Variants in SNRNP70 observed in about 807,000 individuals in gnomAD.
SNRNP70 encodes small nuclear ribonucleoprotein U1 subunit 70, also known as U1 small nuclear ribonucleoprotein 70 kDa.
In SNRNP70, 8 loss-of-function variants were observed where a neutral mutation model predicts 50.5. The observed-to-expected ratio is 0.16, with a 90% CI of 0.09 to 0.29. The LOEUF (loss-of-function observed/expected upper bound fraction) is 0.29, where lower values mean the gene tolerates loss of function less well. Among genes scored for constraint, SNRNP70 ranks in the 10% least tolerant of loss-of-function variants. The pLI is 1.00. For missense variants in SNRNP70, 529 were observed against 663.5 expected, an observed-to-expected ratio of 0.80 and a Z score of 2.23; for synonymous variants, 320 against 252.9, an observed-to-expected ratio of 1.27 and a Z score of -2.52.
At chr19:49,097,357 T>C (rs1430900684) in intron 4 of SNRNP70, among the ~76,000 whole-genome samples, 2 of 152,154 alleles carry the variant, frequency 1.3e-5, no homozygotes, top group African/African-American at 2.4e-5. Context: ...TAAATAAATA[T>C]CAGTGTCCAG....
Position 49,086,368 on chromosome 19 carries a change from C to G in SNRNP70, c.-10-37C>G, listed in dbSNP as rs1341906185. On this transcript the variant is annotated intron_variant, in intron 1 of 9. Coordinates refer to ENST00000598441, the MANE Select transcript of SNRNP70 (RefSeq NM_003089.6). ...TAACAGGGGCTTTCTCTGTGCAGAC[C>G]CGATCTAACCTAAGGCTGTCCTGCT... The G allele has an allele frequency of 4.4e-6, 7 of 1,588,808 alleles. No individual in the cohort carries two copies. The Admixed American group carries it at 1.1e-4, about 24-fold the overall frequency.
At chr19:49,093,890 G>A (rs886943114) in intron 4 of SNRNP70, among the ~76,000 whole-genome samples, 1 of 146,498 alleles carries the variant, frequency 6.8e-6, no homozygotes, top group African/African-American at 2.5e-5. Flanking sequence ...AGGCATTGTA[G>A]TGGGCTCCTG....
intron 4 of SNRNP70, among the ~76,000 whole-genome samples, chr19:49,091,624 C>T (rs1375186301): frequency 1.3e-5 from 2 of 151,630 alleles, no homozygotes; most frequent in Non-Finnish European, 2.9e-5. Flanking sequence ...GAACATGACT[C>T]TAGTGAGAAG....
intron 7 of SNRNP70, chr19:49,102,326 T>C (rs1023811091): frequency 2.4e-6 from 1 of 413,102 alleles, no homozygotes; most frequent in Non-Finnish European, 4.6e-6. Flanking sequence ...CTTGTTTGGG[T>C]GCCCTTTGTC....
chr19:49,097,457 C>T (rs1303496304), intron 4 of SNRNP70, among the ~76,000 whole-genome samples: 1 of 152,118 alleles, frequency 6.6e-6, no homozygotes, highest in Non-Finnish European at 1.5e-5. Flanking sequence ...TTATTTATAT[C>T]CTACTGCTCG....
chr19:49,107,800 G>T lies in SNRNP70; in HGVS notation c.671G>T (p.Gly224Val). The change falls in exon 10 of 10, where the codon GGC becomes GTC. Residue 224 changes from glycine (G) to valine (V), a missense_variant. This residue lies in a region of SNRNP70 where 53 missense variants were observed against 78.6 expected (regional missense o/e 0.67). Transcript: ENST00000598441. This position sits in a 1 kb window ranked among gnomAD's most constrained non-coding sequence, Gnocchi z 6.0. The part of the protein sequence containing the change: ...DDTSRYDERP[G>V]PSPLPHRDRD... The stretch of plus-strand genomic sequence containing the variant: ...GGTCTGCCCACCTCATCCAGGCCCG[G>T]CCCCTCCCCGCTTCCGCACAGGGAC... 6.2e-7 allele frequency: 1 copy of T among 1,603,806 alleles called. No individual in the cohort carries two copies.
intron 2 of SNRNP70, among the ~76,000 whole-genome samples, chr19:49,089,883 C>T (rs1467203583): frequency 6.6e-6 from 1 of 151,706 alleles, no homozygotes; most frequent in African/African-American, 2.4e-5. Flanking sequence ...AGGATGGTCT[C>T]GGATCTCCTG....
At chr19:49,093,840 C>CAAAACAAAAACA (rs534099055) in intron 4 of SNRNP70, among the ~76,000 whole-genome samples, 1 of 150,924 alleles carries the variant, frequency 6.6e-6, no homozygotes, top group Admixed American at 6.6e-5. Context: ...CTAAAAATAC[C>CAAAACAAAAACA]AAAACAAAAA....
At chr19:49,095,785 C>T (rs902237512) in intron 4 of SNRNP70, among the ~76,000 whole-genome samples, 2 of 152,048 alleles carry the variant, frequency 1.3e-5, no homozygotes, top group Non-Finnish European at 2.9e-5. Flanking sequence ...CCTTGGCCTC[C>T]CAAAGTGCTG....
rs2040366357 is a variant in SNRNP70, at chr19:49,085,592, C to T, written c.-55C>T. On this transcript the variant is annotated 5_prime_UTR_variant, in exon 1 of 10. Transcript: ENST00000598441. Reference sequence around the variant, plus strand: ...TGTTGCTGAGGGGCTGCCGCAGCCGCCGCGAGCCTCCGGACAGACGCCAGA... The same window carrying T: ...TGTTGCTGAGGGGCTGCCGCAGCCGTCGCGAGCCTCCGGACAGACGCCAGA... 1 of 455,962 alleles carries T rather than the reference C, an allele frequency of 2.2e-6. No individual in the cohort carries two copies. Among genetic ancestry groups the T allele is most frequent in the Non-Finnish European group, 4.4e-6 (1 of 226,798 alleles). 28.2% of individuals were successfully genotyped at this position (455,962 alleles called of 1,614,324 possible). A position where few individuals can be genotyped will look rare whatever the true frequency, so the allele number is the denominator to read the frequency against.
chr19:49,098,896 G>C (rs987953208), intron 6 of SNRNP70, among the ~76,000 whole-genome samples, 192 bp downstream of exon 6: 3 of 152,170 alleles, frequency 2.0e-5, no homozygotes, highest in Non-Finnish European at 4.4e-5. Context: ...AATGACTGCT[G>C]GTGGTTGGTT....
At chr19:49,102,871 G>A (rs2040607894) in intron 7 of SNRNP70, 1 of 152,674 alleles carries the variant, frequency 6.5e-6, no homozygotes, top group African/African-American at 2.4e-5. Context: ...ACAATCACAT[G>A]TTTTCTTTGC....
intron 6 of SNRNP70, among the ~76,000 whole-genome samples, chr19:49,100,007 C>T (rs1481312884): frequency 6.6e-6 from 1 of 152,196 alleles, no homozygotes; most frequent in Admixed American, 6.5e-5. Context: ...CAACCTTGGC[C>T]CCACCCTTGT....
rs564629814 is a variant in SNRNP70 at position 49,106,794 on chromosome 19, A to G, written c.578-831A>G. ...ATCTGTGCCTTGGGGCTGTTCATCTATCTATTCACTTGACACACACACATC... is the reference window on the plus strand; with the variant it reads ...ATCTGTGCCTTGGGGCTGTTCATCTGTCTATTCACTTGACACACACACATC... On this transcript the variant is annotated intron_variant, in intron 8 of 9. Transcript: ENST00000598441. Among the ~76,000 whole-genome samples, 29 of 152,252 alleles carry G rather than the reference A, an allele frequency of 1.9e-4. No homozygotes were observed. The South Asian group carries it at 3.3e-3, about 17-fold the overall frequency.
At chr19:49,101,058 C>G (rs754052241) in intron 6 of SNRNP70, among the ~76,000 whole-genome samples, 1 of 152,216 alleles carries the variant, frequency 6.6e-6, no homozygotes, top group Non-Finnish European at 1.5e-5. Context: ...TGAGCCAGCC[C>G]TGCCGAAGCG....
At chr19:49,086,312 T>G in intron 1 of SNRNP70, 93 bp from the exon 2 acceptor site, 1 of 1,395,816 alleles carries the variant, frequency 7.2e-7, no homozygotes, top group Non-Finnish European at 9.7e-7. Context: ...GAGACTTTTC[T>G]CCTGTCTTTC....
Position 49,085,535 on chromosome 19 carries a change from GC to G in SNRNP70, c.-107del. ...GCGACGGAATCAGACGGACGTGGAC[GC>G]CCCCGGAGTGGAAGCCGAAGCAGGA... On this transcript the variant is annotated 5_prime_UTR_variant, in exon 1 of 10. Transcript: ENST00000598441. The G allele has an allele frequency of 2.2e-6, 1 of 455,890 alleles. No individual in the cohort carries two copies. Among genetic ancestry groups the G allele is most frequent in the Non-Finnish European group, 4.4e-6 (1 of 226,716 alleles). The allele number at this position is 455,890 out of a possible 1,614,324, so 28.2% of individuals were successfully genotyped here. A position where few individuals can be genotyped will look rare whatever the true frequency, so the allele number is the denominator to read the frequency against.
intron 2 of SNRNP70, 73 bp downstream of exon 2, chr19:49,086,634 C>T (rs934367981): frequency 1.2e-5 from 18 of 1,441,704 alleles, no homozygotes; most frequent in Non-Finnish European, 1.7e-5. Context: ...AGTCCAGCTT[C>T]TGGCCATTTT....
In SNRNP70 at chr19:49,090,470, G is replaced by A. The variant is rs2040434202; in HGVS notation, c.215G>A (p.Arg72Gln). The A allele has an allele frequency of 1.9e-6, 3 of 1,614,092 alleles. No individual in the cohort carries two copies. The highest frequency in any genetic ancestry group is 2.5e-6 in the Non-Finnish European group (3 of 1,180,006). ...TREERMERKRREKIERRQQEV... is the reference protein window; with the variant it reads ...TREERMERKRQEKIERRQQEV... Reference sequence around the variant, plus strand: ...ACCTCCCCTTTCTCCTGACAGAGACGGGAAAAGATTGAGCGGCGACAGCAA... The same window carrying A: ...ACCTCCCCTTTCTCCTGACAGAGACAGGAAAAGATTGAGCGGCGACAGCAA... Residue 72 changes from arginine (R) to glutamine (Q), a missense_variant, in exon 4 of 10, where the codon CGG (arginine) becomes CAG (glutamine). By Grantham distance (43) the Arg-to-Gln change is conservative (BLOSUM62 1). Transcript: ENST00000598441.
Sources: gnomAD v4.1 joint callset for allele counts (sites outside exome capture counted in the v4.1 genomes callset) on GRCh38, gnomAD v4.1.1 for gene constraint, gnomAD v4.1.1 regional missense constraint, Gnocchi (gnomAD v3.1) non-coding constraint, MANE v1.5 for transcripts, NCBI Gene and HGNC (gene_info 2026-07-23, HGNC 2026-07-21) for gene names.